TNC: variants seen among roughly 807,000 people sequenced by gnomAD.
TNC encodes tenascin.
Under a neutral mutation model 202.4 loss-of-function variants are expected in TNC, and 109 were observed. The observed-to-expected ratio is 0.54, with a 90% CI of 0.46 to 0.63. The LOEUF (loss-of-function observed/expected upper bound fraction) is 0.63. Ranked by LOEUF, TNC falls within the 30% of genes least tolerant of loss-of-function variation. TNC has a pLI of 0.00. For synonymous variants in TNC, 1,007 were observed against 1,089.7 expected, an observed-to-expected ratio of 0.92 and a Z score of 1.50; for missense variants, 2,756 against 2,833.3, an observed-to-expected ratio of 0.97 and a Z score of 0.62.
intron 10 of TNC, among the ~76,000 whole-genome samples, chr9:115,071,898 G>A (rs888880504): frequency 1.3e-4 from 20 of 151,808 alleles, no homozygotes; most frequent in African/African-American, 3.1e-4. Flanking sequence ...TTCTATCCCC[G>A]CCCCCCACCT....
intron 17 of TNC, among the ~76,000 whole-genome samples, chr9:115,043,770 G>A (rs943063755): frequency 6.6e-6 from 1 of 152,016 alleles, no homozygotes; most frequent in Non-Finnish European, 1.5e-5. Context: ...AAACAGTGAG[G>A]TGTATAAACT....
At chr9:115,079,659 C>T (rs12235159) in intron 6 of TNC, among the ~76,000 whole-genome samples, 13,863 of 152,200 alleles carry the variant, frequency 0.091, 691 homozygotes, top group Middle Eastern at 0.16. Flanking sequence ...AGTCTTATGA[C>T]GACCCCACAA....
chr9:115,072,142 G>T lies in TNC; in HGVS notation c.3214+1461C>A, dbSNP rs1456962418. Among the ~76,000 whole-genome samples, 3 of 152,178 alleles carry T rather than the reference G, an allele frequency of 2.0e-5. No homozygotes were observed. In the East Asian group the frequency reaches 5.8e-4, roughly 29 times the overall value. ...CCTGCCTCCCTTACAGCTAGGAGTG[G>T]CCAATGAACTATGGGGAGAAGTGAT... On this transcript the variant is annotated intron_variant, in intron 10 of 27. Coordinates refer to ENST00000350763, the MANE Select transcript of TNC (RefSeq NM_002160.4).
chr9:115,057,097 C>A, intron 15 of TNC, 56 bp downstream of exon 15: 1 of 1,550,230 alleles, frequency 6.5e-7, no homozygotes, highest in Non-Finnish European at 8.7e-7. Context: ...AGAGGCTTCA[C>A]CCTGCAAAGA....
At chr9:115,087,453 A>T (rs1380743547) in intron 2 of TNC, among the ~76,000 whole-genome samples, 180 bp from the exon 3 acceptor site, 1 of 152,120 alleles carries the variant, frequency 6.6e-6, no homozygotes, top group Non-Finnish European at 1.5e-5. Flanking sequence ...CTGTTATACC[A>T]GGTAGGAATT....
intron 6 of TNC, among the ~76,000 whole-genome samples, chr9:115,080,230 A>G (rs1034257457): frequency 1.3e-5 from 2 of 152,228 alleles, no homozygotes; most frequent in Non-Finnish European, 2.9e-5. Context: ...TTAGATAAAC[A>G]AAAGAGCAGT....
Position 115,026,714 on chromosome 9 carries a change from G to A in TNC, c.6170-19C>T, listed in dbSNP as rs1829512843. The A allele has an allele frequency of 2.5e-6, 4 of 1,612,272 alleles. No homozygotes were observed. The highest frequency in any genetic ancestry group is 2.7e-5 in the African/African-American group (2 of 74,856). On this transcript the variant is annotated intron_variant, in intron 25 of 27. Transcript: ENST00000350763. The stretch of plus-strand genomic sequence containing the variant: ...TCCAGCCCTGTGGATGACAGGCAAG[G>A]GTTGCTAAGAAGCACAGGTGACTGA...
intron 25 of TNC, 80 bp downstream of exon 25, chr9:115,029,280 A>G: frequency 7.9e-7 from 1 of 1,261,636 alleles, no homozygotes; most frequent in Non-Finnish European, 1.2e-6. Flanking sequence ...TTTCTCTCCC[A>G]TAGGTCCCTG....
At position 115,041,308 on chromosome 9, in the gene TNC, G is replaced by GT. The variant is rs1830728989; in HGVS notation, c.5249-225_5249-224insA. ...GATGCCAAAAACAAAGCCAGGAGGG[G>GT]CGGGGGAAAACATGAAGTCACAACG... is the stretch of plus-strand genomic sequence containing the variant. On this transcript the variant is annotated intron_variant, in intron 18 of 27. Transcript: ENST00000350763. Among the ~76,000 whole-genome samples the GT allele has an allele frequency of 1.7e-5, 2 of 114,958 alleles. 1 individual carries two copies. Among genetic ancestry groups the GT allele is most frequent in the African/African-American group, 6.3e-5 (2 of 31,774 alleles). The allele number at this position is 114,958 out of a possible 152,430, so 75.4% of individuals were successfully genotyped here. A position where few individuals can be genotyped will look rare whatever the true frequency, so the allele number is the denominator to read the frequency against.
intron 2 of TNC, among the ~76,000 whole-genome samples, chr9:115,089,478 ATCTCTCTC>A (rs34987920): frequency 2.7e-5 from 4 of 148,628 alleles, no homozygotes; most frequent in Non-Finnish European, 4.5e-5. Context: ...CAAAATCCCT[ATCTCTCTC>A]TCTCTCTCTC....
rs1195088981 is a variant in TNC at position 115,020,053 on chromosome 9, T to A, written c.*1104A>T. On this transcript the variant is annotated 3_prime_UTR_variant, in exon 28 of 28. Coordinates refer to ENST00000350763, the MANE Select transcript of TNC (RefSeq NM_002160.4). ...AAGCTTTTTTTTTCTTTTCTTTTTTTATTTAGAGACAGGGTCTCCCTCTGT... is the reference window on the plus strand; with the variant it reads ...AAGCTTTTTTTTTCTTTTCTTTTTTAATTTAGAGACAGGGTCTCCCTCTGT... The A allele has an allele frequency of 6.6e-6, 1 of 152,060 alleles. No homozygotes were observed. The highest frequency in any genetic ancestry group is 1.5e-5 in the Non-Finnish European group (1 of 68,028). The allele number at this position is 152,060 out of a possible 1,614,324, so 9.4% of individuals were successfully genotyped here. A position where few individuals can be genotyped will look rare whatever the true frequency, so the allele number is the denominator to read the frequency against.
rs773752469 is a variant in TNC, at chr9:115,073,823, C to G, written c.2994G>C (p.Glu998Asp). The G allele has an allele frequency of 5.0e-6, 8 of 1,613,402 alleles. No homozygotes were observed. Among genetic ancestry groups the G allele is most frequent in the Middle Eastern group, 1.6e-4 (1 of 6,082 alleles). ...PKDLQVSETA[E>D]TSLTLLWKTP... is the part of the protein sequence containing the mutation. Reference sequence around the variant, plus strand: ...TCTTCCAGAGCAGGGTCAGGCTGGTCTCTGCAGTTTCAGAAACCTGAAGGT... The same window carrying G: ...TCTTCCAGAGCAGGGTCAGGCTGGTGTCTGCAGTTTCAGAAACCTGAAGGT... Residue 998 changes from glutamate (E) to aspartate (D), a missense_variant, in exon 10 of 28, where the codon GAG (glutamate) becomes GAC (aspartate). Glu to Asp is a conservative substitution (Grantham distance 45). Coordinates refer to ENST00000350763, the MANE Select transcript of TNC (RefSeq NM_002160.4).
In TNC at chr9:115,057,205, A is replaced by G. The variant is rs757698164; in HGVS notation, c.4527T>C (p.Ser1509=). ...PPSTDFIVYL[S]GLAPSIRTKT... Reference sequence around the variant, plus strand: ...TGGTCCGGATGCTGGGAGCAAGTCCAGAGAGGTAGACAATAAAATCAGTAC... The same window carrying G: ...TGGTCCGGATGCTGGGAGCAAGTCCGGAGAGGTAGACAATAAAATCAGTAC... The change falls in exon 15 of 28, where the codon TCT becomes TCC. Residue 1509 remains serine, a synonymous_variant. Transcript: ENST00000350763. The G allele has an allele frequency of 1.4e-5, 22 of 1,614,036 alleles. No individual in the cohort carries two copies. In the South Asian group the frequency reaches 1.8e-4, roughly 13 times the overall value.
chr9:115,031,052 G>T (rs1354257035), intron 23 of TNC, among the ~76,000 whole-genome samples: 1 of 152,192 alleles, frequency 6.6e-6, no homozygotes, highest in Non-Finnish European at 1.5e-5. Flanking sequence ...ATACCAGCTT[G>T]GTGGGAAGAT....
intron 25 of TNC, among the ~76,000 whole-genome samples, chr9:115,027,626 G>T (rs545084869): frequency 5.3e-5 from 8 of 152,234 alleles, no homozygotes; most frequent in African/African-American, 1.9e-4. Context: ...ATTTTGTAAA[G>T]TGCCTTACAA....
chr9:115,109,475 AT>A (rs1371709487), intron 1 of TNC, among the ~76,000 whole-genome samples: 1 of 152,174 alleles, frequency 6.6e-6, no homozygotes, highest in African/African-American at 2.4e-5. Flanking sequence ...ACCATTATTC[AT>A]TTCTTCTTGT....
chr9:115,058,242 T>A (rs1832281376), intron 14 of TNC, among the ~76,000 whole-genome samples: 1 of 152,142 alleles, frequency 6.6e-6, no homozygotes, highest in Admixed American at 6.5e-5. Context: ...AGAGGGCAGG[T>A]AGGAGCAGGG....
chr9:115,036,289 G>C, intron 20 of TNC, 48 bp from the exon 21 acceptor site: 1 of 1,601,554 alleles, frequency 6.2e-7, no homozygotes, highest in Non-Finnish European at 8.5e-7. Flanking sequence ...CACTGTCTGA[G>C]CCATGAGTGG....
intron 1 of TNC, among the ~76,000 whole-genome samples, chr9:115,104,836 G>A (rs1008180733): frequency 2.6e-5 from 4 of 152,182 alleles, no homozygotes; most frequent in Non-Finnish European, 5.9e-5. Flanking sequence ...AACTCAAAGA[G>A]CTGACATAGC....
Sources: allele counts gnomAD v4.1 joint callset (sites outside exome capture counted in the v4.1 genomes callset), GRCh38; gene constraint gnomAD v4.1.1; transcripts MANE v1.5; gene names NCBI Gene and HGNC (gene_info 2026-07-23, HGNC 2026-07-21).